Variants in CDH2 observed in about 807,000 individuals in gnomAD.
CDH2 encodes the protein cadherin-2.
In CDH2, 17 loss-of-function variants were observed where a neutral mutation model predicts 92.0. The observed-to-expected ratio is 0.18, with a 90% CI of 0.13 to 0.28. The LOEUF is 0.28. CDH2 is among the 10% of genes least tolerant of loss of function. CDH2 has a pLI of 1.00. For synonymous variants in CDH2, 419 were observed against 415.9 expected, an observed-to-expected ratio of 1.01 and a Z score of -0.09; for missense variants, 862 against 1,133.1, an observed-to-expected ratio of 0.76 and a Z score of 3.44.
intron 10 of CDH2, among the ~76,000 whole-genome samples, chr18:27,989,238 T>C (rs912509928): frequency 6.6e-5 from 10 of 152,196 alleles, no homozygotes; most frequent in Admixed American, 3.3e-4. Context: ...TGAGTCTGAA[T>C]TGGCAGATTT....
chr18:27,941,314 T>G (rs1238858666), intron 6 of CDH2, among the ~76,000 whole-genome samples: 1 of 152,132 alleles, frequency 6.6e-6, no homozygotes, highest in South Asian at 2.1e-4. Context: ...GGATTACAGG[T>G]GTGAGCCACC....
At chr18:28,102,048 T>TA (rs2144234463) in intron 2 of CDH2, among the ~76,000 whole-genome samples, 1 of 152,166 alleles carries the variant, frequency 6.6e-6, no homozygotes, top group East Asian at 1.9e-4. Flanking sequence ...CAGCCACCCA[T>TA]AAAGAAATGC....
At chr18:28,120,833 GTTGT>G (rs1279480360) in intron 2 of CDH2, among the ~76,000 whole-genome samples, 3 of 152,106 alleles carry the variant, frequency 2.0e-5, no homozygotes, top group African/African-American at 7.2e-5. Context: ...ACACTATTAA[GTTGT>G]TTGTTGTTGT....
intron 6 of CDH2, among the ~76,000 whole-genome samples, chr18:27,938,526 C>G (rs1567928692): frequency 6.6e-6 from 1 of 151,982 alleles, no homozygotes; most frequent in East Asian, 1.9e-4. Flanking sequence ...AATGAATCAA[C>G]CTTTGGATTA....
chr18:28,125,625 T>C (rs1161885508), intron 2 of CDH2, among the ~76,000 whole-genome samples: 1 of 152,100 alleles, frequency 6.6e-6, no homozygotes, highest in African/African-American at 2.4e-5. Flanking sequence ...TTTGAAAAAA[T>C]TGGGTTAAAA....
chr18:27,976,266 A>G (rs1181925868), intron 14 of CDH2, among the ~76,000 whole-genome samples: 1 of 152,142 alleles, frequency 6.6e-6, no homozygotes. Context: ...ACCAGAACTC[A>G]TGGTCTGAAG....
downstream of CDH2, among the ~76,000 whole-genome samples, chr18:27,948,146 TAA>T (rs200736532): frequency 4.4e-3 from 671 of 150,962 alleles, 6 homozygotes; most frequent in African/African-American, 0.015. Flanking sequence ...AACTTTGATA[TAA>T]GTGTGTATAC....
chr18:27,962,908 T>C (rs1276928981), intron 15 of CDH2, among the ~76,000 whole-genome samples: 2 of 152,170 alleles, frequency 1.3e-5, no homozygotes, highest in African/African-American at 4.8e-5. Context: ...CTAATCTCTT[T>C]TGATGGAGTC....
chr18:27,991,545 A>G (rs2012416313), intron 9 of CDH2, among the ~76,000 whole-genome samples: 1 of 152,196 alleles, frequency 6.6e-6, no homozygotes, highest in Admixed American at 6.5e-5. Context: ...CACAGTTCAA[A>G]GTCCTTTAAT....
intron 2 of CDH2, among the ~76,000 whole-genome samples, chr18:28,033,475 T>G (rs539075): frequency 0.47 from 71,970 of 151,766 alleles, 17,226 homozygotes; most frequent in Admixed American, 0.55. Context: ...TGAATTTAGG[T>G]GCTCTGTGTG....
chr18:28,094,730 C>A (rs1234711258), intron 2 of CDH2, among the ~76,000 whole-genome samples: 1 of 137,212 alleles, frequency 7.3e-6, no homozygotes, highest in Middle Eastern at 3.9e-3. Context: ...GGAAGCGGAG[C>A]TTGCAGTGAG....
At chr18:28,015,224 C>T (rs1239469776) in intron 2 of CDH2, among the ~76,000 whole-genome samples, 1 of 152,104 alleles carries the variant, frequency 6.6e-6, no homozygotes, top group Non-Finnish European at 1.5e-5. Context: ...CCCTTAGTAA[C>T]CATAAAATCC....
intron 2 of CDH2, among the ~76,000 whole-genome samples, chr18:28,141,197 G>A (rs541973510): frequency 6.6e-6 from 1 of 151,744 alleles, no homozygotes; most frequent in African/African-American, 2.4e-5. Flanking sequence ...AAGAAAACAG[G>A]AACTCAGAAA....
chr18:28,083,003 C>G (rs2014860483), intron 2 of CDH2, among the ~76,000 whole-genome samples: 1 of 152,156 alleles, frequency 6.6e-6, no homozygotes, highest in Non-Finnish European at 1.5e-5. Context: ...AAGCAAGTAA[C>G]AGTTGATGCC....
chr18:28,156,664 A>ATGTCACCTTCCCAGGT (rs1273759091), intron 1 of CDH2, among the ~76,000 whole-genome samples: 1 of 12,090 alleles, frequency 8.3e-5, no homozygotes, highest in Admixed American at 8.7e-4. Flanking sequence ...CCAGGTGCAG[A>ATGTCACCTTCCCAGGT]ATGTCACCTT....
At chr18:28,102,714 T>G (rs982459235) in intron 2 of CDH2, among the ~76,000 whole-genome samples, 2 of 152,158 alleles carry the variant, frequency 1.3e-5, no homozygotes, top group African/African-American at 4.8e-5. Context: ...TTATTGCTAT[T>G]GAGAGGCCTT....
At chr18:28,161,493 T>A (rs1598518790) in intron 1 of CDH2, among the ~76,000 whole-genome samples, 1 of 139,236 alleles carries the variant, frequency 7.2e-6, no homozygotes, top group Admixed American at 8.0e-5. Context: ...GGCAGGAAAA[T>A]AGCTTGAACC....
chr18:27,994,188 A>G (rs2012511640), intron 7 of CDH2, among the ~76,000 whole-genome samples: 1 of 152,244 alleles, frequency 6.6e-6, no homozygotes, highest in Non-Finnish European at 1.5e-5. Context: ...CATATAGAAG[A>G]GATATACAGT....
chr18:28,113,544 T>C (rs1164581362), intron 2 of CDH2, among the ~76,000 whole-genome samples: 1 of 151,770 alleles, frequency 6.6e-6, no homozygotes, highest in African/African-American at 2.4e-5. Flanking sequence ...TATTCTCCAC[T>C]GCCTAAGAAG....
Sources: allele counts gnomAD v4.1 joint callset (sites outside exome capture counted in the v4.1 genomes callset), GRCh38; gene constraint gnomAD v4.1.1; transcripts MANE v1.5; gene names NCBI Gene and HGNC (gene_info 2026-07-23, HGNC 2026-07-21).